Variants in HECW1 observed in about 807,000 individuals in gnomAD.
The protein encoded by HECW1 is HECT, C2 and WW domain containing E3 ubiquitin protein ligase 1.
In HECW1, 61 loss-of-function variants were observed where a neutral mutation model predicts 182.3. The observed-to-expected ratio is 0.33, with a 90% CI of 0.27 to 0.41. HECW1 has a LOEUF of 0.41. Among genes scored for constraint, HECW1 ranks in the 10% least tolerant of loss-of-function variants. The probability of loss-of-function intolerance (pLI) is 1.00; values close to 1 mark genes in which losing one functional copy is unlikely to be tolerated. For missense variants in HECW1, 1,739 were observed against 2,108.9 expected (o/e 0.82, Z 3.44); for synonymous variants, 859 against 832.6 (o/e 1.03, Z -0.55).
chr7:43,550,667 T>C, intron 27 of HECW1, 76 bp downstream of exon 27: 1 of 1,425,248 alleles, frequency 7.0e-7, no homozygotes, highest in Admixed American at 2.0e-5. Flanking sequence ...CCAGGCTCCC[T>C]GAGGGAGCAG....
intron 17 of HECW1, among the ~76,000 whole-genome samples, chr7:43,489,836 A>G (rs1423974174): frequency 6.6e-6 from 1 of 152,198 alleles, no homozygotes. Flanking sequence ...AATTTGCCCT[A>G]CATTACGATC....
intron 29 of HECW1, 40 bp from the exon 30 acceptor site, chr7:43,561,775 T>C (rs377763730): frequency 5.1e-6 from 7 of 1,371,782 alleles, no homozygotes; most frequent in African/African-American, 2.9e-5. Flanking sequence ...AGTTGTATCA[T>C]TGAAACAAAC....
intron 2 of HECW1, among the ~76,000 whole-genome samples, chr7:43,177,721 G>A (rs1379123848): frequency 6.6e-6 from 1 of 152,180 alleles, no homozygotes; most frequent in African/African-American, 2.4e-5. Context: ...GGTTAAATGA[G>A]TCTGTGTGAA....
chr7:43,134,283 A>C (rs1787276204), intron 2 of HECW1, among the ~76,000 whole-genome samples: 1 of 147,722 alleles, frequency 6.8e-6, no homozygotes, highest in African/African-American at 2.5e-5. Flanking sequence ...AATCCCAGCT[A>C]CTTGGGAGGC....
chr7:43,466,922 G>A (rs1045322749), intron 15 of HECW1, among the ~76,000 whole-genome samples: 1 of 152,170 alleles, frequency 6.6e-6, no homozygotes, highest in Non-Finnish European at 1.5e-5. Flanking sequence ...CATTTTCACT[G>A]ATACAATTTC....
At chr7:43,404,957 C>A (rs182648588) in intron 7 of HECW1, among the ~76,000 whole-genome samples, 55 of 151,396 alleles carry the variant, frequency 3.6e-4, no homozygotes, top group African/African-American at 1.3e-3. Flanking sequence ...GCCTGGGCAA[C>A]AAGAGTGAAA....
intron 2 of HECW1, among the ~76,000 whole-genome samples, chr7:43,135,947 T>G (rs1490107282): frequency 1.3e-5 from 2 of 152,012 alleles, no homozygotes; most frequent in African/African-American, 4.8e-5. Context: ...TTATGACATT[T>G]TTTTCAGGAT....
chr7:43,120,139 A>T (rs78618025), intron 2 of HECW1, among the ~76,000 whole-genome samples: 5,819 of 152,196 alleles, frequency 0.038, 381 homozygotes, highest in African/African-American at 0.13. Context: ...CCTGTTCAGG[A>T]TGAAACCCAA....
intron 3 of HECW1, among the ~76,000 whole-genome samples, chr7:43,300,572 C>T (rs1303708271): frequency 1.3e-5 from 2 of 152,112 alleles, no homozygotes; most frequent in African/African-American, 4.8e-5. Context: ...ATATTGCTAA[C>T]GGCCATGCCT....
chr7:43,283,614 A>G, intron 3 of HECW1, among the ~76,000 whole-genome samples: 1 of 152,204 alleles, frequency 6.6e-6, no homozygotes, highest in Middle Eastern at 3.2e-3. Context: ...CATCCTCAAT[A>G]ATATTCAAGA....
intron 2 of HECW1, among the ~76,000 whole-genome samples, chr7:43,194,724 C>G (rs2152685377): frequency 6.7e-6 from 1 of 149,958 alleles, no homozygotes; most frequent in Non-Finnish European, 1.5e-5. Context: ...GATGGAGTCT[C>G]ACTCTGTCGC....
At chr7:43,324,418 T>C (rs1334089569) in intron 5 of HECW1, among the ~76,000 whole-genome samples, 1 of 152,254 alleles carries the variant, frequency 6.6e-6, no homozygotes, top group Admixed American at 6.5e-5. Flanking sequence ...TAAGATGCTA[T>C]ATAAATTTAC....
intron 3 of HECW1, among the ~76,000 whole-genome samples, chr7:43,292,278 A>G (rs745673389): frequency 2.6e-5 from 4 of 152,152 alleles, no homozygotes; most frequent in Non-Finnish European, 5.9e-5. Flanking sequence ...CACCTGATGA[A>G]ATGGAGGCTC....
At chr7:43,396,023 C>T (rs971570984) in intron 6 of HECW1, among the ~76,000 whole-genome samples, 8 of 152,244 alleles carry the variant, frequency 5.3e-5, no homozygotes, top group Admixed American at 1.3e-4. Flanking sequence ...GCTTAATACC[C>T]AGAGTTTTAA....
At chr7:43,471,362 A>G (rs902186514) in intron 16 of HECW1, among the ~76,000 whole-genome samples, 1 of 152,232 alleles carries the variant, frequency 6.6e-6, no homozygotes, top group African/African-American at 2.4e-5. Context: ...AGCCACCTTC[A>G]TAGCTGGCCA....
intron 3 of HECW1, among the ~76,000 whole-genome samples, chr7:43,283,633 C>A (rs1042684443): frequency 6.6e-6 from 1 of 152,142 alleles, no homozygotes; most frequent in Non-Finnish European, 1.5e-5. Context: ...GATTGTTGGT[C>A]AGTCCTGAAA....
In HECW1 at chr7:43,232,964, G is replaced by A. The variant is rs12674134; in HGVS notation, c.-31-10911G>A. On this transcript the variant is annotated intron_variant, in intron 2 of 29. Coordinates refer to ENST00000395891, the MANE Select transcript of HECW1 (RefSeq NM_015052.5). ...CATGCTTTTTAATATTCTGATTACT[G>A]TGTTTAGTTGTAGAGACCCAGTTTT... is the stretch of plus-strand genomic sequence containing the variant. Among the ~76,000 whole-genome samples the A allele has an allele frequency of 9.9e-4, 150 of 152,174 alleles. 4 individuals are homozygous for A. In the East Asian group the frequency reaches 0.014, roughly 14 times the overall value.
chr7:43,293,410 G>A (rs1446550925), intron 3 of HECW1, among the ~76,000 whole-genome samples: 1 of 152,150 alleles, frequency 6.6e-6, no homozygotes, highest in Non-Finnish European at 1.5e-5. Flanking sequence ...CCCACAATCA[G>A]TCTGATTGGT....
intron 2 of HECW1, chr7:43,239,878 C>G (rs895594278): frequency 5.3e-5 from 8 of 152,192 alleles, no homozygotes; most frequent in African/African-American, 1.9e-4. Flanking sequence ...GGCTGGGCCT[C>G]TCTCAAACCA....
Sources: gnomAD v4.1 joint callset for allele counts (sites outside exome capture counted in the v4.1 genomes callset) on GRCh38, gnomAD v4.1.1 for gene constraint, MANE v1.5 for transcripts, NCBI Gene and HGNC (gene_info 2026-07-23, HGNC 2026-07-21) for gene names.